Variants in SLC52A1 observed in about 807,000 individuals in gnomAD.
SLC52A1 encodes solute carrier family 52 member 1, also known as solute carrier family 52, riboflavin transporter, member 1.
Under a neutral mutation model 23.2 loss-of-function variants are expected in SLC52A1, and 20 were observed. That is an observed-to-expected ratio of 0.86 (90% CI 0.61 to 1.25). The LOEUF (loss-of-function observed/expected upper bound fraction) is 1.25, where lower values mean the gene tolerates loss of function less well. Ranked by LOEUF, SLC52A1 falls within the 50% of genes most tolerant of loss-of-function variation. The probability of loss-of-function intolerance (pLI) is 0.00; values close to 1 mark genes in which losing one functional copy is unlikely to be tolerated. For synonymous variants in SLC52A1, 260 were observed against 256.6 expected, an observed-to-expected ratio of 1.01 and a Z score of -0.13; for missense variants, 528 against 557.0, an observed-to-expected ratio of 0.95 and a Z score of 0.52.
Position 5,034,000 on chromosome 17 carries a change from T to G in SLC52A1, c.489A>C (p.Leu163=). The change falls in exon 3 of 5, where the codon CTA becomes CTC. Residue 163 remains leucine, a synonymous_variant. Transcript: ENST00000254853. ...ACTCGAGGCGGCCCACACCTTGCAC[T>G]AGGGCCAGCACACAGGGGAGTAGGG... is the stretch of plus-strand genomic sequence containing the variant. ...LSALLPCVLA[L]VQGVGRLECP... is the part of the protein sequence containing the mutation. The G allele has an allele frequency of 3.1e-6, 5 of 1,613,862 alleles. No homozygotes were observed. The highest frequency in any genetic ancestry group is 4.2e-6 in the Non-Finnish European group (5 of 1,179,908).
Position 5,034,261 on chromosome 17 carries a change from G to A in SLC52A1, c.228C>T (p.Gly76=), listed in dbSNP as rs763962389. The A allele has an allele frequency of 9.3e-6, 15 of 1,611,274 alleles. No individual in the cohort carries two copies. Among genetic ancestry groups the A allele is most frequent in the African/African-American group, 1.3e-5 (1 of 74,848 alleles). The stretch of plus-strand genomic sequence containing the variant: ...GTACCACCTGGATGGGGACCTGCTC[G>A]CCCTTGCCCGGGGCCAGCTGCCTCC... ...TLWRQLAPGK[G]EQVPIQVVQV... Residue 76 remains glycine (G), a synonymous_variant, in exon 3 of 5, where the codon GGC becomes GGT. Coordinates refer to ENST00000254853, the MANE Select transcript of SLC52A1 (RefSeq NM_017986.4).
chr17:5,041,188 G>C (rs1416510804), intron 1 of SLC52A1, among the ~76,000 whole-genome samples: 1 of 152,120 alleles, frequency 6.6e-6, no homozygotes, highest in Non-Finnish European at 1.5e-5. Context: ...TGGGCTCCAA[G>C]TGGTCCTCCA....
At position 5,032,645 on chromosome 17, in the gene SLC52A1, A is replaced by G. The variant is rs1340064637; in HGVS notation, c.*312T>C. 2 of 261,686 alleles carry G rather than the reference A, an allele frequency of 7.6e-6. No individual in the cohort carries two copies. Among genetic ancestry groups the G allele is most frequent in the Non-Finnish European group, 1.5e-5 (2 of 137,132 alleles). The allele number at this position is 261,686 out of a possible 1,614,324, so 16.2% of individuals were successfully genotyped here. ...TAATCCAGTTTCCTGATTTCATTAT[A>G]TATTTCTTATAAGGTTTTCATTAGG... is the stretch of plus-strand genomic sequence containing the variant. On this transcript the variant is annotated 3_prime_UTR_variant, in exon 5 of 5. Transcript: ENST00000254853.
chr17:5,038,458 G>A (rs78807846), upstream of SLC52A1, among the ~76,000 whole-genome samples: 1 of 152,212 alleles, frequency 6.6e-6, no homozygotes, highest in East Asian at 1.9e-4. Flanking sequence ...AACCAAGCTT[G>A]CCCTCACTGC....
Position 5,033,769 on chromosome 17 carries a change from T to G in SLC52A1, c.720A>C (p.Ala240=). 1 of 1,614,190 alleles carries G rather than the reference T, an allele frequency of 6.2e-7. No homozygotes were observed. Among genetic ancestry groups the G allele is most frequent in the Non-Finnish European group, 8.5e-7 (1 of 1,180,030 alleles). The part of the protein sequence containing the change: ...GPELQLGSPG[A]EEEEKEEEEA... ...CTTCTTCCTCCTTCTCTTCCTCCTC[T>G]GCTCCTGGGGATCCCAGTTGAAGTT... The change falls in exon 3 of 5, where the codon GCA becomes GCC. Residue 240 remains alanine (A), a synonymous_variant. Transcript: ENST00000254853.
intron 1 of SLC52A1, among the ~76,000 whole-genome samples, chr17:5,041,080 C>T (rs561366188): frequency 5.3e-5 from 8 of 151,986 alleles, no homozygotes; most frequent in Non-Finnish European, 8.8e-5. Context: ...CAGGCGTGAG[C>T]CACCGTGCCC....
chr17:5,036,536 C>T (rs555421771), upstream of SLC52A1, among the ~76,000 whole-genome samples: 12 of 151,450 alleles, frequency 7.9e-5, no homozygotes, highest in South Asian at 2.1e-3. Flanking sequence ...CTCAGACTCC[C>T]GAGTAGCTGG....
chr17:5,035,959 ATCTTCC>A (rs1012537181), upstream of SLC52A1, among the ~76,000 whole-genome samples: 1 of 141,802 alleles, frequency 7.1e-6, no homozygotes, highest in African/African-American at 2.6e-5. Context: ...GGCTCAAGCA[ATCTTCC>A]TACCTCAGCC....
At chr17:5,036,743 T>C (rs1244033746), upstream of SLC52A1, among the ~76,000 whole-genome samples, 3 of 152,284 alleles carry the variant, frequency 2.0e-5, no homozygotes, top group East Asian at 1.9e-4. Flanking sequence ...GTTTACTCAC[T>C]GACCATCTCA....
chr17:5,034,018 G>A lies in SLC52A1; in HGVS notation c.471C>T (p.Leu157=). ...FFLGQGLSAL[L]PCVLALVQGV... ...CTTGCACTAGGGCCAGCACACAGGG[G>A]AGTAGGGCACTGAGACCCTGACCCA... The change falls in exon 3 of 5, where the codon CTC becomes CTT. Residue 157 remains leucine (L), a synonymous_variant. Transcript: ENST00000254853. 1 of 1,614,086 alleles carries A rather than the reference G, an allele frequency of 6.2e-7. No individual in the cohort carries two copies. Among genetic ancestry groups the A allele is most frequent in the Non-Finnish European group, 8.5e-7 (1 of 1,179,958 alleles).
upstream of SLC52A1, among the ~76,000 whole-genome samples, chr17:5,036,959 C>T (rs1187238745): frequency 6.6e-6 from 1 of 152,124 alleles, no homozygotes; most frequent in African/African-American, 2.4e-5. Flanking sequence ...GCTGGGACTA[C>T]AAGCACATGC....
chr17:5,034,437 A>G (rs375197405), intron 2 of SLC52A1, 40 bp downstream of exon 2: 2 of 1,612,918 alleles, frequency 1.2e-6, no homozygotes, highest in Non-Finnish European at 1.7e-6. Context: ...CTTTCTGGGC[A>G]TACCTGCCCC....
At chr17:5,036,274 C>G (rs902984363), upstream of SLC52A1, among the ~76,000 whole-genome samples, 20 of 151,620 alleles carry the variant, frequency 1.3e-4, no homozygotes, top group Non-Finnish European at 2.5e-4. Context: ...AGGTGATCCA[C>G]CTGCCCCGGC....
chr17:5,041,396 T>C (rs1319116826), intron 1 of SLC52A1, among the ~76,000 whole-genome samples: 2 of 150,992 alleles, frequency 1.3e-5, no homozygotes, highest in Non-Finnish European at 3.0e-5. Context: ...GATTCTCCCA[T>C]CTCAGCCTCC....
upstream of SLC52A1, among the ~76,000 whole-genome samples, chr17:5,036,095 G>A (rs141180763): frequency 0.02 from 2,590 of 132,812 alleles, 80 homozygotes; most frequent in African/African-American, 0.068. Context: ...TGCCCAGGCT[G>A]GAGTGCAATG....
chr17:5,032,805 G>C lies in SLC52A1; in HGVS notation c.*152C>G. The stretch of plus-strand genomic sequence containing the variant: ...GGCCTGGTCTTTGGTGCCCACCCTG[G>C]CCTCACATGCCAACGTCTTCTGTGG... On this transcript the variant is annotated 3_prime_UTR_variant, in exon 5 of 5. Transcript: ENST00000254853. The C allele has an allele frequency of 2.8e-6, 2 of 715,474 alleles. No individual in the cohort carries two copies. The allele number at this position is 715,474 out of a possible 1,614,324, so 44.3% of individuals were successfully genotyped here. A position where few individuals can be genotyped will look rare whatever the true frequency, so the allele number is the denominator to read the frequency against.
chr17:5,034,799 C>T, intron 1 of SLC52A1, 62 bp downstream of exon 1: 1 of 664,886 alleles, frequency 1.5e-6, no homozygotes, highest in Non-Finnish European at 2.4e-6. Context: ...CTGCTAAGAC[C>T]AGGGCAACTG....
Position 5,034,039 on chromosome 17 carries a change from A to C in SLC52A1, c.450T>G (p.Gly150=). The stretch of plus-strand genomic sequence containing the variant: ...AGGGGAGTAGGGCACTGAGACCCTG[A>C]CCCAGGAAGAAAGACCGTAAGAAAG... ...PPPFLRSFFL[G]QGLSALLPCV... The change falls in exon 3 of 5, where the codon GGT becomes GGG. Residue 150 remains glycine, a synonymous_variant. Coordinates refer to ENST00000254853, the MANE Select transcript of SLC52A1 (RefSeq NM_017986.4). 6.2e-7 allele frequency: 1 copy of C among 1,614,100 alleles called. No homozygotes were observed. Among genetic ancestry groups the C allele is most frequent in the Non-Finnish European group, 8.5e-7 (1 of 1,179,996 alleles).
At chr17:5,039,011 T>C (rs113043641), upstream of SLC52A1, among the ~76,000 whole-genome samples, 1,330 of 150,650 alleles carry the variant, frequency 8.8e-3, 19 homozygotes, top group African/African-American at 0.031. Context: ...AAAAGGAAAC[T>C]GGAAACCGAG....
Sources: allele counts gnomAD v4.1 joint callset (sites outside exome capture counted in the v4.1 genomes callset), GRCh38; gene constraint gnomAD v4.1.1; transcripts MANE v1.5; gene names NCBI Gene and HGNC (gene_info 2026-07-23, HGNC 2026-07-21).